RUNX2: variants seen among roughly 807,000 people sequenced by gnomAD.
The protein encoded by RUNX2 is RUNX family transcription factor 2.
Under a neutral mutation model 51.7 loss-of-function variants are expected in RUNX2, and 10 were observed. That is an observed-to-expected ratio of 0.19 (90% CI 0.12 to 0.33). The LOEUF (loss-of-function observed/expected upper bound fraction) is 0.33. RUNX2 is among the 10% of genes least tolerant of loss of function. The pLI is 1.00. For missense variants in RUNX2, 562 were observed against 691.3 expected, an observed-to-expected ratio of 0.81 and a Z score of 2.10; for synonymous variants, 276 against 273.6, an observed-to-expected ratio of 1.01 and a Z score of -0.09.
At chr6:45,341,110 C>T (rs1467681127) in intron 2 of RUNX2, among the ~76,000 whole-genome samples, 1 of 152,128 alleles carries the variant, frequency 6.6e-6, no homozygotes, top group African/African-American at 2.4e-5. Context: ...GAAGTAAATC[C>T]TTGACATGTA....
At chr6:45,453,092 AT>A (rs1799220855) in intron 5 of RUNX2, among the ~76,000 whole-genome samples, 1 of 151,956 alleles carries the variant, frequency 6.6e-6, no homozygotes, top group African/African-American at 2.4e-5. Flanking sequence ...TGATTTTTAC[AT>A]TTGGGTCTCC....
chr6:45,451,298 G>C (rs1395946205), intron 5 of RUNX2, among the ~76,000 whole-genome samples: 1 of 152,178 alleles, frequency 6.6e-6, no homozygotes. Flanking sequence ...TGTTTTCTTA[G>C]ATGAAGAGCA....
At chr6:45,422,534 C>T in intron 2 of RUNX2, 59 bp from the exon 3 acceptor site, 2 of 1,354,964 alleles carry the variant, frequency 1.5e-6, no homozygotes, top group Non-Finnish European at 2.0e-6. Context: ...TTTCCACCCT[C>T]CTCCCCCTCC....
chr6:45,502,064 G>A (rs1472971799), intron 6 of RUNX2, among the ~76,000 whole-genome samples: 1 of 152,186 alleles, frequency 6.6e-6, no homozygotes, highest in Admixed American at 6.5e-5. Flanking sequence ...AGTGATTGGA[G>A]TTATAGGGAG....
chr6:45,475,655 C>G (rs1259429161), intron 5 of RUNX2, among the ~76,000 whole-genome samples: 4 of 152,162 alleles, frequency 2.6e-5, no homozygotes, highest in Non-Finnish European at 4.4e-5. Context: ...TTATTGATCT[C>G]CCCTACTAGA....
intron 5 of RUNX2, among the ~76,000 whole-genome samples, chr6:45,469,142 A>G (rs1165193795): frequency 6.6e-6 from 1 of 152,208 alleles, no homozygotes; most frequent in African/African-American, 2.4e-5. Flanking sequence ...ATACTGCTTC[A>G]TGTTAGTTAT....
At chr6:45,427,687 A>G (rs991770073) in intron 3 of RUNX2, among the ~76,000 whole-genome samples, 6 of 152,168 alleles carry the variant, frequency 3.9e-5, no homozygotes, top group Non-Finnish European at 7.4e-5. Context: ...ATTTTGGCCT[A>G]TAAGAGTAAT....
intron 5 of RUNX2, among the ~76,000 whole-genome samples, 160 bp downstream of exon 5, chr6:45,438,211 T>G (rs1163432471): frequency 6.6e-6 from 1 of 152,134 alleles, no homozygotes; most frequent in East Asian, 1.9e-4. Flanking sequence ...TAGTCAAACT[T>G]CAGAGTTAGT....
intron 2 of RUNX2, among the ~76,000 whole-genome samples, chr6:45,364,302 G>C (rs1794768246): frequency 6.6e-6 from 1 of 152,050 alleles, no homozygotes; most frequent in Non-Finnish European, 1.5e-5. Flanking sequence ...GCAATTATAA[G>C]ACATCTGCTC....
At chr6:45,365,228 C>T (rs1172413217) in intron 2 of RUNX2, 1 of 1,611,648 alleles carries the variant, frequency 6.2e-7, no homozygotes, top group Admixed American at 1.7e-5. Flanking sequence ...TGTTGCAAAG[C>T]TTATAGACTT....
chr6:45,377,015 G>A (rs1253381412), intron 2 of RUNX2, among the ~76,000 whole-genome samples: 4 of 151,952 alleles, frequency 2.6e-5, no homozygotes, highest in Admixed American at 2.6e-4. Context: ...AGGATCGTCT[G>A]AGTGTCAAAT....
At chr6:45,408,399 G>T (rs890207044) in intron 2 of RUNX2, among the ~76,000 whole-genome samples, 4 of 151,998 alleles carry the variant, frequency 2.6e-5, no homozygotes, top group Admixed American at 2.6e-4. Context: ...GAGGATTTGG[G>T]AATTGATTCT....
chr6:45,520,558 C>T (rs1027039457), intron 7 of RUNX2, among the ~76,000 whole-genome samples: 1 of 152,106 alleles, frequency 6.6e-6, no homozygotes, highest in Non-Finnish European at 1.5e-5. Context: ...TGCTATTTCC[C>T]ACTTCCATGT....
rs146566667 is a variant in RUNX2, at chr6:45,458,518, G to A, written c.685+20467G>A. Among the ~76,000 whole-genome samples, 22 of 152,236 alleles carry A rather than the reference G, an allele frequency of 1.4e-4. No homozygotes were observed. In the East Asian group the frequency reaches 2.1e-3, roughly 15 times the overall value. On this transcript the variant is annotated intron_variant, in intron 5 of 8. Transcript: ENST00000647337. ...TTTTGATAAACTATACATTTATTCC[G>A]TGTCACCAATGTGTTAACTGGCAAA...
intron 7 of RUNX2, among the ~76,000 whole-genome samples, chr6:45,530,998 A>G (rs1366329928): frequency 6.6e-6 from 1 of 152,232 alleles, no homozygotes; most frequent in African/African-American, 2.4e-5. Flanking sequence ...TCATTTAATC[A>G]TTACAACGCA....
At chr6:45,354,312 G>A (rs1792681756) in intron 2 of RUNX2, among the ~76,000 whole-genome samples, 1 of 152,058 alleles carries the variant, frequency 6.6e-6, no homozygotes, top group African/African-American at 2.4e-5. Flanking sequence ...TGATAACATA[G>A]TTGTTCACAA....
intron 7 of RUNX2, among the ~76,000 whole-genome samples, chr6:45,533,067 G>A (rs566693028): frequency 4.7e-4 from 71 of 152,174 alleles, no homozygotes; most frequent in African/African-American, 1.6e-3. Flanking sequence ...TGTTGAAAAT[G>A]TCCATTTGTG....
intron 6 of RUNX2, among the ~76,000 whole-genome samples, chr6:45,510,160 A>G (rs1801098925): frequency 6.6e-6 from 1 of 152,244 alleles, no homozygotes; most frequent in Admixed American, 6.5e-5. Context: ...CCAGTCACTC[A>G]GATTTGAAAT....
chr6:45,539,616 C>A (rs1283003128), intron 7 of RUNX2, among the ~76,000 whole-genome samples: 1 of 152,094 alleles, frequency 6.6e-6, no homozygotes, highest in Admixed American at 6.5e-5. Context: ...TCCCTTAGAA[C>A]CTCAGTGTGG....
Sources: gnomAD v4.1 joint callset for allele counts (sites outside exome capture counted in the v4.1 genomes callset) on GRCh38, gnomAD v4.1.1 for gene constraint, MANE v1.5 for transcripts, NCBI Gene and HGNC (gene_info 2026-07-23, HGNC 2026-07-21) for gene names.